Variants in RNF4 observed in about 807,000 individuals in gnomAD.
The protein encoded by RNF4 is E3 ubiquitin-protein ligase RNF4.
In RNF4, 7 loss-of-function variants were observed where a neutral mutation model predicts 24.3. The observed-to-expected ratio is 0.29, with a 90% CI of 0.16 to 0.54. RNF4 has a LOEUF of 0.54. RNF4 is among the 20% of genes least tolerant of loss of function. RNF4 has a pLI of 0.95. For missense variants in RNF4, 209 were observed against 248.5 expected (o/e 0.84, Z 1.07); for synonymous variants, 83 against 84.3 (o/e 0.98, Z 0.09).
intron 4 of RNF4, chr4:2,506,209 A>C (rs1296244596): frequency 6.6e-6 from 1 of 152,186 alleles, no homozygotes; most frequent in East Asian, 1.9e-4. Context: ...CCTGAGACAG[A>C]GTCTCGCTCT....
intron 1 of RNF4, among the ~76,000 whole-genome samples, 153 bp from the exon 2 acceptor site, chr4:2,490,184 A>G (rs1438343655): frequency 6.6e-6 from 1 of 152,224 alleles, no homozygotes. Flanking sequence ...AAGAATGCTT[A>G]CTTCCTAAGA....
chr4:2,501,455 A>G (rs1285689611), intron 4 of RNF4, among the ~76,000 whole-genome samples: 2 of 151,450 alleles, frequency 1.3e-5, no homozygotes, highest in African/African-American at 4.9e-5. Context: ...TCCCTGTCTC[A>G]TGGCACCGGT....
Position 2,513,836 on chromosome 4 carries a change from C to CA in RNF4, c.*18dup. On this transcript the variant is annotated 3_prime_UTR_variant, in exon 8 of 8. Coordinates refer to ENST00000314289, the MANE Select transcript of RNF4 (RefSeq NM_002938.5). ...TATATATGAAGTATTCAGAGCCCCC[C>CA]AGGAGAGACGGATGGACAGACAGAC... 6.2e-7 allele frequency: 1 copy of CA among 1,613,772 alleles called. No individual in the cohort carries two copies. The highest frequency in any genetic ancestry group is 8.5e-7 in the Non-Finnish European group (1 of 1,179,834).
At chr4:2,488,009 GCA>G (rs1735462307) in intron 1 of RNF4, among the ~76,000 whole-genome samples, 1 of 152,172 alleles carries the variant, frequency 6.6e-6, no homozygotes, top group South Asian at 2.1e-4. Flanking sequence ...TGTACTTCTT[GCA>G]CACTTAGTTC....
intron 1 of RNF4, among the ~76,000 whole-genome samples, chr4:2,481,796 C>T (rs1735252914): frequency 6.6e-6 from 1 of 152,176 alleles, no homozygotes; most frequent in African/African-American, 2.4e-5. Context: ...CAGCTTCAAC[C>T]TCCCAGTCTC....
chr4:2,475,539 C>T (rs535390353), intron 1 of RNF4, among the ~76,000 whole-genome samples: 2 of 152,142 alleles, frequency 1.3e-5, no homozygotes, highest in South Asian at 2.1e-4. Flanking sequence ...AGGGTTTCAC[C>T]GTGTTTGCCA....
intron 1 of RNF4, among the ~76,000 whole-genome samples, chr4:2,473,635 C>G (rs1440467405): frequency 9.9e-6 from 1 of 101,356 alleles, no homozygotes; most frequent in Non-Finnish European, 2.5e-5. Context: ...GATGGTGAAA[C>G]CCCGTCTCTA....
At chr4:2,490,547 TAA>T (rs1258813974) in intron 2 of RNF4, 45 bp downstream of exon 2, 22 of 1,581,560 alleles carry the variant, frequency 1.4e-5, no homozygotes, top group Non-Finnish European at 1.9e-5. Flanking sequence ...TAGGGCTAAT[TAA>T]CTACCTTATT....
chr4:2,470,674 C>T (rs888047208), intron 1 of RNF4, among the ~76,000 whole-genome samples: 1 of 152,210 alleles, frequency 6.6e-6, no homozygotes, highest in Non-Finnish European at 1.5e-5. Flanking sequence ...ATTTTTCACT[C>T]TCCTCAAGAT....
chr4:2,487,780 G>T (rs1735455414), intron 1 of RNF4, among the ~76,000 whole-genome samples: 1 of 152,190 alleles, frequency 6.6e-6, no homozygotes, highest in South Asian at 2.1e-4. Context: ...AGCCTAAGGA[G>T]ATGCAAGTCA....
rs117481016 is a variant in RNF4, at chr4:2,514,543, C to T, written c.*724C>T. On this transcript the variant is annotated 3_prime_UTR_variant, in exon 8 of 8. Transcript: ENST00000314289. ...GCCTGTGGAGCAGTGCCCATCCCAG[C>T]CCGTTTCTGCCCACCAGTTGTTCTC... 3.5e-3 allele frequency: 541 copies of T among 153,380 alleles called. 21 individuals are homozygous for T. In the East Asian group the frequency reaches 0.095, roughly 27 times the overall value. The allele number at this position is 153,380 out of a possible 1,614,324, so 9.5% of individuals were successfully genotyped here.
intron 4 of RNF4, among the ~76,000 whole-genome samples, chr4:2,506,448 C>G (rs1736102920): frequency 6.6e-6 from 1 of 152,084 alleles, no homozygotes. Context: ...TCCCAAAGTG[C>G]TAGGATTACA....
At chr4:2,473,611 A>C (rs1414683868) in intron 1 of RNF4, among the ~76,000 whole-genome samples, 2 of 150,706 alleles carry the variant, frequency 1.3e-5, no homozygotes, top group East Asian at 3.9e-4. Flanking sequence ...AGGAGTTCAC[A>C]ACCAGCCTGG....
chr4:2,469,395 C>G (rs1228823292), intron 1 of RNF4, 137 bp downstream of exon 1: 2 of 152,234 alleles, frequency 1.3e-5, no homozygotes, highest in Admixed American at 6.5e-5. Context: ...CGAGCCAGCT[C>G]TGGTCGCTCG....
intron 4 of RNF4, among the ~76,000 whole-genome samples, chr4:2,503,763 G>A (rs1298776840): frequency 1.3e-5 from 2 of 152,178 alleles, no homozygotes; most frequent in African/African-American, 4.8e-5. Context: ...GCACCTGCAG[G>A]AGAGTATAAA....
At chr4:2,486,021 A>T (rs1035188761) in intron 1 of RNF4, among the ~76,000 whole-genome samples, 1 of 152,150 alleles carries the variant, frequency 6.6e-6, no homozygotes, top group African/African-American at 2.4e-5. Context: ...TAACATACCT[A>T]TTTGAGGGTG....
At chr4:2,503,336 T>C (rs1027486293) in intron 4 of RNF4, among the ~76,000 whole-genome samples, 6 of 152,126 alleles carry the variant, frequency 3.9e-5, no homozygotes, top group African/African-American at 9.7e-5. Context: ...TCTGCAGTCA[T>C]TGGGAGACCC....
rs1181450632 is a variant in RNF4 at position 2,515,386 on chromosome 4, A to G, written c.*1567A>G. Reference sequence around the variant, plus strand: ...GTTTGAATGAAAATAATAATTTTCTACTTGGAGTTGAAGAGGGCAGAATCC... The same window carrying G: ...GTTTGAATGAAAATAATAATTTTCTGCTTGGAGTTGAAGAGGGCAGAATCC... On this transcript the variant is annotated 3_prime_UTR_variant, in exon 8 of 8. Transcript: ENST00000314289. 6.6e-6 allele frequency: 1 copy of G among 152,646 alleles called. No homozygotes were observed. Among genetic ancestry groups the G allele is most frequent in the Admixed American group, 6.5e-5 (1 of 15,280 alleles). The allele number at this position is 152,646 out of a possible 1,614,324, so 9.5% of individuals were successfully genotyped here.
At chr4:2,495,922 C>A (rs1306736175) in intron 2 of RNF4, among the ~76,000 whole-genome samples, 2 of 152,202 alleles carry the variant, frequency 1.3e-5, no homozygotes, top group Non-Finnish European at 2.9e-5. Flanking sequence ...TGAGCCACTG[C>A]GCCTGGCCAG....
Sources: gnomAD v4.1 joint callset for allele counts (sites outside exome capture counted in the v4.1 genomes callset) on GRCh38, gnomAD v4.1.1 for gene constraint, MANE v1.5 for transcripts, NCBI Gene and HGNC (gene_info 2026-07-23, HGNC 2026-07-21) for gene names.